The following CAGE1 variants were observed in gnomAD, a reference collection of about 807,000 sequenced individuals.
CAGE1 encodes cancer-associated gene 1 protein.
In CAGE1, 66 loss-of-function variants were observed where a neutral mutation model predicts 94.9. The ratio of observed to expected loss-of-function variants is 0.70; its 90% CI spans 0.57 to 0.85. CAGE1 has a LOEUF of 0.85. Ranked by LOEUF, CAGE1 falls within the 40% of genes least tolerant of loss-of-function variation. The pLI is 0.00. For synonymous variants in CAGE1, 319 were observed against 321.0 expected, an observed-to-expected ratio of 0.99 and a Z score of 0.07; for missense variants, 865 against 950.4, an observed-to-expected ratio of 0.91 and a Z score of 1.18.
chr6:7,328,934 A>ATATT (rs1388562262), intron 13 of CAGE1, among the ~76,000 whole-genome samples: 3 of 106,814 alleles, frequency 2.8e-5, no homozygotes, highest in Non-Finnish European at 5.3e-5. Context: ...ATATATATAT[A>ATATT]TTTTTTTTTT....
intron 9 of CAGE1, among the ~76,000 whole-genome samples, chr6:7,359,024 G>A (rs1163434755): frequency 6.6e-6 from 1 of 151,902 alleles, no homozygotes; most frequent in Non-Finnish European, 1.5e-5. Flanking sequence ...ACGGGTGAGT[G>A]GTATTCTCTG....
At chr6:7,340,883 G>A in intron 11 of CAGE1, 1 of 424,134 alleles carries the variant, frequency 2.4e-6, no homozygotes, top group African/African-American at 2.1e-5. Context: ...CTGATGTATG[G>A]CCAATTTTAG....
At chr6:7,346,868 AAAG>A (rs1011147808) in intron 11 of CAGE1, among the ~76,000 whole-genome samples, 5 of 58,786 alleles carry the variant, frequency 8.5e-5, no homozygotes, top group African/African-American at 1.7e-4. Context: ...AAAAAAAAAA[AAAG>A]AAGAAAGAAA....
chr6:7,370,167 G>T, intron 5 of CAGE1, 102 bp from the exon 6 acceptor site: 1 of 753,728 alleles, frequency 1.3e-6, no homozygotes, highest in Non-Finnish European at 2.0e-6. Context: ...AACCTTGGGC[G>T]ACAGTTCTCA....
chr6:7,378,451 T>TTATATATATATATATATATATA (rs34451165), intron 4 of CAGE1, among the ~76,000 whole-genome samples, 166 bp downstream of exon 4: 14 of 149,670 alleles, frequency 9.4e-5, no homozygotes, highest in African/African-American at 3.2e-4. Context: ...AAGTCTCAGA[T>TTATATATATATATATATATATA]TATATATATA....
intron 11 of CAGE1, among the ~76,000 whole-genome samples, chr6:7,348,743 C>T (rs1759657167): frequency 6.6e-6 from 1 of 152,008 alleles, no homozygotes; most frequent in Admixed American, 6.6e-5. Context: ...AAACATTGGA[C>T]ACACTTATAG....
At chr6:7,363,468 C>T (rs895130674) in intron 9 of CAGE1, among the ~76,000 whole-genome samples, 1 of 152,196 alleles carries the variant, frequency 6.6e-6, no homozygotes, top group African/African-American at 2.4e-5. Flanking sequence ...GATTTGTCCT[C>T]TAAGTCTCTA....
At chr6:7,371,549 G>A (rs376545924) in intron 5 of CAGE1, among the ~76,000 whole-genome samples, 4 of 152,128 alleles carry the variant, frequency 2.6e-5, no homozygotes, top group East Asian at 1.9e-4. Context: ...TTGGGAGGCC[G>A]AGGAGGGTGG....
intron 7 of CAGE1, among the ~76,000 whole-genome samples, chr6:7,367,350 C>A (rs1023458217): frequency 6.9e-6 from 1 of 145,360 alleles, no homozygotes; most frequent in African/African-American, 2.6e-5. Context: ...ACTTGCCTCA[C>A]CACAGCTTCG....
At chr6:7,384,727 T>A (rs946425378) in intron 3 of CAGE1, among the ~76,000 whole-genome samples, 2 of 152,104 alleles carry the variant, frequency 1.3e-5, no homozygotes, top group Non-Finnish European at 1.5e-5. Context: ...CTCTTTTTTT[T>A]TTTTGAGACA....
chr6:7,386,101 T>G (rs1043946516), intron 2 of CAGE1, among the ~76,000 whole-genome samples: 1 of 152,200 alleles, frequency 6.6e-6, no homozygotes, highest in Non-Finnish European at 1.5e-5. Flanking sequence ...ATTTTAATAT[T>G]TTGGTTTTTT....
intron 9 of CAGE1, among the ~76,000 whole-genome samples, chr6:7,357,040 G>A (rs1247422681): frequency 1.3e-5 from 2 of 151,852 alleles, no homozygotes; most frequent in African/African-American, 4.8e-5. Flanking sequence ...CAGGTGATCC[G>A]CCCCCCGTCG....
At position 7,365,855 on chromosome 6, in the gene CAGE1, G is replaced by A. The variant is rs1333703561; in HGVS notation, c.2034C>T (p.Thr678=). 1.3e-6 allele frequency: 2 copies of A among 1,537,834 alleles called. No individual in the cohort carries two copies. The highest frequency in any genetic ancestry group is 2.5e-5 in the East Asian group (1 of 40,728). Reference sequence around the variant, plus strand: ...TTTCCTTAGCAATTAACTCTCTAAAGGTTGTGATTCTATCTTTATGTTTCA... The same window carrying A: ...TTTCCTTAGCAATTAACTCTCTAAAAGTTGTGATTCTATCTTTATGTTTCA... ...ELLKHKDRIT[T]FRELIAKEKA... The change falls in exon 8 of 14, where the codon ACC becomes ACT. Residue 678 remains threonine, a synonymous_variant. Transcript: ENST00000502583.
At chr6:7,341,099 C>T in intron 11 of CAGE1, 1 of 541,500 alleles carries the variant, frequency 1.8e-6, no homozygotes, top group Non-Finnish European at 3.7e-6. Context: ...ATCTCCAATG[C>T]CTTTAGCTTG....
At chr6:7,358,027 G>GAGAT (rs1314868882) in intron 9 of CAGE1, among the ~76,000 whole-genome samples, 4 of 48,084 alleles carry the variant, frequency 8.3e-5, no homozygotes, top group Admixed American at 3.0e-4. Flanking sequence ...TAAGTTTTGA[G>GAGAT]ATATATATAT....
chr6:7,389,333 C>T lies in CAGE1; in HGVS notation c.-155G>A, dbSNP rs1273065503. The T allele has an allele frequency of 1.1e-5, 5 of 456,174 alleles. No homozygotes were observed. The highest frequency in any genetic ancestry group is 2.2e-5 in the Non-Finnish European group (5 of 226,968). The allele number at this position is 456,174 out of a possible 1,614,324, so 28.3% of individuals were successfully genotyped here. On this transcript the variant is annotated 5_prime_UTR_variant, in exon 1 of 14. Coordinates refer to ENST00000502583, the MANE Select transcript of CAGE1 (RefSeq NM_001170692.2). The stretch of plus-strand genomic sequence containing the variant: ...CCACGCTACGGACCTGGCTCTCCCT[C>T]CCTCTGCACCGGGTTTTGTGGGAGG...
intron 11 of CAGE1, among the ~76,000 whole-genome samples, chr6:7,345,483 G>GCATA (rs1759445275): frequency 6.6e-6 from 1 of 152,136 alleles, no homozygotes. Context: ...ACACAAAATG[G>GCATA]CATACTCACA....
At chr6:7,334,385 A>T (rs748043826) in intron 11 of CAGE1, among the ~76,000 whole-genome samples, 3 of 152,174 alleles carry the variant, frequency 2.0e-5, no homozygotes, top group Non-Finnish European at 2.9e-5. Flanking sequence ...ACTCATACTG[A>T]TCCCTCTATA....
At chr6:7,379,329 T>A (rs1760858131) in intron 3 of CAGE1, among the ~76,000 whole-genome samples, 1 of 152,228 alleles carries the variant, frequency 6.6e-6, no homozygotes, top group African/African-American at 2.4e-5. Flanking sequence ...AATTTTAAGA[T>A]GTTTTAAATT....
Sources: allele counts gnomAD v4.1 joint callset (sites outside exome capture counted in the v4.1 genomes callset), GRCh38; gene constraint gnomAD v4.1.1; transcripts MANE v1.5; gene names NCBI Gene and HGNC (gene_info 2026-07-23, HGNC 2026-07-21).